Variants in VDAC2 observed in about 807,000 individuals in gnomAD.
The protein encoded by VDAC2 is voltage dependent anion channel 2.
Under a neutral mutation model 36.6 loss-of-function variants are expected in VDAC2, and 6 were observed. That is an observed-to-expected ratio of 0.16 (90% CI 0.09 to 0.32). The LOEUF (loss-of-function observed/expected upper bound fraction) is 0.32. Ranked by LOEUF, VDAC2 falls within the 10% of genes least tolerant of loss-of-function variation. The pLI is 1.00. For synonymous variants in VDAC2, 109 were observed against 123.8 expected, an observed-to-expected ratio of 0.88 and a Z score of 0.79; for missense variants, 247 against 346.0, an observed-to-expected ratio of 0.71 and a Z score of 2.27.
At chr10:75,227,576 AATTTTTTT>A (rs1420922797) in intron 8 of VDAC2, among the ~76,000 whole-genome samples, 11 of 90,770 alleles carry the variant, frequency 1.2e-4, no homozygotes, top group African/African-American at 5.9e-4. Flanking sequence ...AAATAATAGG[AATTTTTTT>A]TTTTTTTTTT....
chr10:75,227,562 T>G (rs1841988934), intron 8 of VDAC2, among the ~76,000 whole-genome samples: 1 of 147,746 alleles, frequency 6.8e-6, no homozygotes, highest in Non-Finnish European at 1.5e-5. Context: ...TAACTCTTAC[T>G]GTTAAATAAT....
In VDAC2 at chr10:75,212,077, G is replaced by A. The variant is rs559317209; in HGVS notation, c.32-153G>A. On this transcript the variant is annotated intron_variant, in intron 2 of 9. Coordinates refer to ENST00000332211, the MANE Select transcript of VDAC2 (RefSeq NM_001391963.1). ...GTTGGTGGTATCTCCTTTATGGGTC[G>A]TTATAGTTCTATTGTAGCTCCTGAC... Among the ~76,000 whole-genome samples the A allele has an allele frequency of 1.3e-4, 20 of 152,298 alleles. No homozygotes were observed. The South Asian group carries it at 3.7e-3, about 28-fold the overall frequency.
chr10:75,221,356 C>CT (rs1162587769), intron 7 of VDAC2, among the ~76,000 whole-genome samples: 1 of 150,814 alleles, frequency 6.6e-6, no homozygotes, highest in African/African-American at 2.4e-5. Flanking sequence ...TTTTTTCTTT[C>CT]TTTTTTTGTT....
chr10:75,218,957 G>T, intron 4 of VDAC2, 106 bp from the exon 5 acceptor site: 2 of 1,182,404 alleles, frequency 1.7e-6, no homozygotes, highest in Non-Finnish European at 2.3e-6. Flanking sequence ...AAGGATTCAT[G>T]AATTTACCAA....
At chr10:75,216,449 A>G (rs182018750) in intron 4 of VDAC2, among the ~76,000 whole-genome samples, 1 of 152,228 alleles carries the variant, frequency 6.6e-6, no homozygotes, top group Non-Finnish European at 1.5e-5. Context: ...TAGATATAGC[A>G]TGTTTTTATT....
At chr10:75,216,200 C>T (rs1443935117) in intron 4 of VDAC2, among the ~76,000 whole-genome samples, 2 of 152,150 alleles carry the variant, frequency 1.3e-5, no homozygotes, top group Admixed American at 6.5e-5. Context: ...ATTGAGGCCC[C>T]TAGTGTATTT....
At chr10:75,211,219 G>A in intron 2 of VDAC2, 30 bp downstream of exon 2, 1 of 1,610,148 alleles carries the variant, frequency 6.2e-7, no homozygotes. Context: ...CTGCGGGATG[G>A]GGCGGCGGAG....
intron 8 of VDAC2, among the ~76,000 whole-genome samples, chr10:75,224,683 A>C (rs1384186031): frequency 6.6e-6 from 1 of 152,202 alleles, no homozygotes; most frequent in Non-Finnish European, 1.5e-5. Flanking sequence ...AAAGTGAAAG[A>C]GTGCTGGATT....
rs759303647 is a variant in VDAC2 at position 75,230,969 on chromosome 10, G to A, written c.865G>A (p.Ala289Thr). 36 of 1,612,444 alleles carry A rather than the reference G, an allele frequency of 2.2e-5. No homozygotes were observed. In the East Asian group the frequency reaches 5.6e-4, roughly 25 times the overall value. The change falls in exon 10 of 10, where the codon GCC becomes ACC. Residue 289 changes from alanine (A) to threonine (T), a missense_variant. Ala to Thr is a moderately conservative substitution (Grantham distance 58, BLOSUM62 0). Coordinates refer to ENST00000332211, the MANE Select transcript of VDAC2 (RefSeq NM_001391963.1). ...INAGGHKVGL[A>T]LELEA ...TGCTGGAGGCCACAAGGTTGGGCTC[G>A]CCCTGGAGTTGGAGGCTTAATCCAG...
rs1391976483 is a variant in VDAC2, at chr10:75,211,174, C to G, written c.16C>G (p.Gln6Glu). 4 of 1,613,240 alleles carry G rather than the reference C, an allele frequency of 2.5e-6. No homozygotes were observed. Among genetic ancestry groups the G allele is most frequent in the South Asian group, 1.1e-5 (1 of 90,846 alleles). ...CGGCCTCGCCATGGCGACCCACGGA[C>G]AGACTTGCGCGCGTCGTAAGTAAAG... is the stretch of plus-strand genomic sequence containing the variant. MATHGQTCARPMCIPP... is the reference protein window; with the variant it reads MATHGETCARPMCIPP... Residue 6 changes from glutamine (Q) to glutamate (E), a missense_variant, in exon 2 of 10, where the codon CAG becomes GAG. Transcript: ENST00000332211.
chr10:75,227,897 T>C (rs1386502844), intron 8 of VDAC2, among the ~76,000 whole-genome samples: 2 of 149,634 alleles, frequency 1.3e-5, no homozygotes, highest in Admixed American at 1.3e-4. Flanking sequence ...TTTCTTTCTT[T>C]CTTTTTTTTT....
chr10:75,227,576 A>AGTTTTTTTTTTTTTTTTTTTT (rs1841989654), intron 8 of VDAC2, among the ~76,000 whole-genome samples: 1 of 90,770 alleles, frequency 1.1e-5, no homozygotes, highest in African/African-American at 5.4e-5. Context: ...AAATAATAGG[A>AGTTTTTTTTTTTTTTTTTTTT]ATTTTTTTTT....
intron 8 of VDAC2, 46 bp from the exon 9 acceptor site, chr10:75,229,598 T>C: frequency 1.4e-6 from 2 of 1,458,722 alleles, no homozygotes; most frequent in South Asian, 2.4e-5. Context: ...GGGCTTTGTC[T>C]CTATTGAAAT....
intron 7 of VDAC2, among the ~76,000 whole-genome samples, chr10:75,221,728 C>T (rs1841820145): frequency 6.6e-6 from 1 of 152,128 alleles, no homozygotes; most frequent in Non-Finnish European, 1.5e-5. Context: ...CCCGCCTCAG[C>T]CTTCCAAAGT....
chr10:75,219,245 T>G, intron 5 of VDAC2, 30 bp downstream of exon 5: 1 of 1,553,760 alleles, frequency 6.4e-7, no homozygotes, highest in Non-Finnish European at 8.7e-7. Context: ...AGTATTAATT[T>G]TATTAATTTA....
Position 75,231,027 on chromosome 10 carries a change from G to A in VDAC2, c.*38G>A. The stretch of plus-strand genomic sequence containing the variant: ...AAACCTTTGGGAATGGATATCAGAA[G>A]ATTTGGCCTTAATATATTTCCATTG... On this transcript the variant is annotated 3_prime_UTR_variant, in exon 10 of 10. Coordinates refer to ENST00000332211, the MANE Select transcript of VDAC2 (RefSeq NM_001391963.1). 1 of 1,526,672 alleles carries A rather than the reference G, an allele frequency of 6.6e-7. No individual in the cohort carries two copies. The highest frequency in any genetic ancestry group is 1.2e-5 in the South Asian group (1 of 86,726). The allele number at this position is 1,526,672 out of a possible 1,614,324, so 94.6% of individuals were successfully genotyped here. A position where few individuals can be genotyped will look rare whatever the true frequency, so the allele number is the denominator to read the frequency against.
chr10:75,210,323 C>T (rs1841357254), upstream of VDAC2: 1 of 152,578 alleles, frequency 6.6e-6, no homozygotes, highest in Admixed American at 6.5e-5. Flanking sequence ...GCAGGCTGCG[C>T]TAGCTTAGGA....
chr10:75,226,730 G>C (rs538803298), intron 8 of VDAC2, among the ~76,000 whole-genome samples: 1 of 152,034 alleles, frequency 6.6e-6, no homozygotes, highest in Admixed American at 6.6e-5. Flanking sequence ...CCAAAGTGCC[G>C]GGGTAACAGG....
intron 8 of VDAC2, among the ~76,000 whole-genome samples, chr10:75,227,882 ATTTC>A (rs758959648): frequency 8.4e-4 from 123 of 146,306 alleles, no homozygotes; most frequent in South Asian, 2.8e-3. Context: ...AATAATGGGA[ATTTC>A]TTTCTTTCTT....
Sources: allele counts gnomAD v4.1 joint callset (sites outside exome capture counted in the v4.1 genomes callset), GRCh38; gene constraint gnomAD v4.1.1; transcripts MANE v1.5; gene names NCBI Gene and HGNC (gene_info 2026-07-23, HGNC 2026-07-21).